The following TBC1D12 variants were observed in gnomAD, a reference collection of about 807,000 sequenced individuals.
The protein encoded by TBC1D12 is TBC1 domain family, member 12.
A neutral mutation model predicts 86.7 loss-of-function variants in TBC1D12; 56 were observed. That is an observed-to-expected ratio of 0.65 (90% CI 0.52 to 0.81). The LOEUF (loss-of-function observed/expected upper bound fraction) is 0.81. TBC1D12 is among the 30% of genes least tolerant of loss of function. TBC1D12 has a pLI of 0.00. For synonymous variants in TBC1D12, 421 were observed against 411.7 expected (o/e 1.02, Z -0.27); for missense variants, 1,023 against 1,038.8 (o/e 0.98, Z 0.21).
Position 94,536,108 on chromosome 10 carries a change from C to A in TBC1D12, c.*3012C>A, listed in dbSNP as rs1042005256. On this transcript the variant is annotated 3_prime_UTR_variant, in exon 13 of 13. Coordinates refer to ENST00000225235, the MANE Select transcript of TBC1D12 (RefSeq NM_015188.2). ...CAGCTAAAATATTGTACTGTATCTT[C>A]TCTTGAGCCCAGTATGTAGGAAATA... Among the ~76,000 whole-genome samples, 1 of 151,988 alleles carries A rather than the reference C, an allele frequency of 6.6e-6. No individual in the cohort carries two copies. The highest frequency in any genetic ancestry group is 2.4e-5 in the African/African-American group (1 of 41,394).
intron 3 of TBC1D12, among the ~76,000 whole-genome samples, chr10:94,485,620 A>C (rs1484698582): frequency 2.0e-5 from 3 of 148,742 alleles, no homozygotes; most frequent in Non-Finnish European, 4.4e-5. Flanking sequence ...CAATGAGTTC[A>C]TAAGAATTCC....
Position 94,495,213 on chromosome 10 carries a change from G to A in TBC1D12, c.1294+1766G>A, listed in dbSNP as rs528135825. On this transcript the variant is annotated intron_variant, in intron 4 of 12. Coordinates refer to ENST00000225235, the MANE Select transcript of TBC1D12 (RefSeq NM_015188.2). ...TAATTTTTGTATTTTTAATGGAGAC[G>A]GGGTTTTGCCATGTTGGCCAGGCTG... is the stretch of plus-strand genomic sequence containing the variant. Among the ~76,000 whole-genome samples, 3 of 151,904 alleles carry A rather than the reference G, an allele frequency of 2.0e-5. No homozygotes were observed. The East Asian group carries it at 5.9e-4, about 30-fold the overall frequency.
chr10:94,518,954 A>C (rs1842072130), intron 9 of TBC1D12, among the ~76,000 whole-genome samples: 1 of 152,170 alleles, frequency 6.6e-6, no homozygotes, highest in Non-Finnish European at 1.5e-5. Flanking sequence ...AGGCACCTCT[A>C]TTCCCAGCTG....
chr10:94,496,629 A>C (rs2056325055), intron 4 of TBC1D12, among the ~76,000 whole-genome samples: 2 of 152,172 alleles, frequency 1.3e-5, no homozygotes, highest in Non-Finnish European at 2.9e-5. Flanking sequence ...TATGTGATAA[A>C]GTAATCTACT....
In TBC1D12 at chr10:94,536,135, G is replaced by A. The variant is rs1041252197; in HGVS notation, c.*3039G>A. Among the ~76,000 whole-genome samples the A allele has an allele frequency of 6.6e-6, 1 of 151,946 alleles. No individual in the cohort carries two copies. Among genetic ancestry groups the A allele is most frequent in the Non-Finnish European group, 1.5e-5 (1 of 67,962 alleles). ...CTTGAGCCCAGTATGTAGGAAATAT[G>A]TGATAATTCACATGGTCAGTATATG... is the stretch of plus-strand genomic sequence containing the variant. On this transcript the variant is annotated 3_prime_UTR_variant, in exon 13 of 13. Transcript: ENST00000225235.
intron 3 of TBC1D12, among the ~76,000 whole-genome samples, chr10:94,482,288 G>C (rs898092277): frequency 3.3e-5 from 5 of 152,144 alleles, no homozygotes; most frequent in African/African-American, 1.2e-4. Flanking sequence ...TTAGTTTGTG[G>C]AAGATAATAG....
In TBC1D12 at chr10:94,485,405, A is replaced by C. The variant is rs2056145447; in HGVS notation, c.1212-7960A>C. On this transcript the variant is annotated intron_variant, in intron 3 of 12. Transcript: ENST00000225235. The stretch of plus-strand genomic sequence containing the variant: ...ACACTGATTGATTTGCATACATTGA[A>C]ATATACTTACATTCCAGGGATAAGG... Among the ~76,000 whole-genome samples, 7 of 152,262 alleles carry C rather than the reference A, an allele frequency of 4.6e-5. 1 individual carries two copies. The South Asian group carries it at 1.5e-3, about 32-fold the overall frequency.
chr10:94,447,563 TAATC>T (rs2055487642), intron 2 of TBC1D12: 30 of 961,380 alleles, frequency 3.1e-5, no homozygotes, highest in Non-Finnish European at 3.7e-5. Context: ...GTTAACTTGA[TAATC>T]AATTCCAAAA....
At chr10:94,474,509 A>C (rs374889262) in intron 2 of TBC1D12, among the ~76,000 whole-genome samples, 159 bp from the exon 3 acceptor site, 1 of 152,066 alleles carries the variant, frequency 6.6e-6, no homozygotes, top group Non-Finnish European at 1.5e-5. Context: ...ACCTCCAAAA[A>C]AAAAACTTTT....
intron 9 of TBC1D12, among the ~76,000 whole-genome samples, chr10:94,515,395 T>C (rs1311872166): frequency 6.6e-6 from 1 of 151,908 alleles, no homozygotes; most frequent in African/African-American, 2.4e-5. Flanking sequence ...TTGCCCAGGC[T>C]GGAGTGCAAT....
In TBC1D12 at chr10:94,455,540, T is replaced by C. The variant is rs184935570; in HGVS notation, c.1095+13521T>C. 3.6e-3 allele frequency among the ~76,000 whole-genome samples: 553 copies of C among 152,338 alleles called. 3 individuals are homozygous for C. The highest frequency in any genetic ancestry group is 0.013 in the African/African-American group (533 of 41,566). On this transcript the variant is annotated intron_variant, in intron 2 of 12. Coordinates refer to ENST00000225235, the MANE Select transcript of TBC1D12 (RefSeq NM_015188.2). ...GTCTGTGCTTTCTGTTTTGGAAGAT[T>C]ATTAATTATTGATTCAGTTTCTTCT... is the stretch of plus-strand genomic sequence containing the variant.
chr10:94,452,251 G>A lies in TBC1D12; in HGVS notation c.1095+10232G>A, dbSNP rs144678731. On this transcript the variant is annotated intron_variant, in intron 2 of 12. Transcript: ENST00000225235. ...TTCACTGTCAGCATCCTGCACCACA[G>A]TGGATCATTTTTTACAACCAATGAA... Among the ~76,000 whole-genome samples, 568 of 152,152 alleles carry A rather than the reference G, an allele frequency of 3.7e-3. 1 individual carries two copies. Among genetic ancestry groups the A allele is most frequent in the Middle Eastern group, 6.8e-3 (2 of 294 alleles).
chr10:94,425,816 A>G (rs2055137741), intron 1 of TBC1D12, among the ~76,000 whole-genome samples: 1 of 152,186 alleles, frequency 6.6e-6, no homozygotes, highest in South Asian at 2.1e-4. Context: ...CAGTATATCT[A>G]GCCATTTATT....
intron 2 of TBC1D12, among the ~76,000 whole-genome samples, chr10:94,470,337 AT>A (rs981379197): frequency 6.6e-6 from 1 of 152,136 alleles, no homozygotes; most frequent in African/African-American, 2.4e-5. Flanking sequence ...CTTATGATGA[AT>A]TTTGAAAGTA....
At chr10:94,424,863 G>T (rs1296682892) in intron 1 of TBC1D12, among the ~76,000 whole-genome samples, 3 of 152,172 alleles carry the variant, frequency 2.0e-5, no homozygotes, top group Non-Finnish European at 4.4e-5. Context: ...AGTTCTAGAA[G>T]GTCACTGTGG....
intron 11 of TBC1D12, among the ~76,000 whole-genome samples, chr10:94,523,192 CAAA>C (rs33935088): frequency 4.5e-5 from 2 of 44,074 alleles, no homozygotes; most frequent in South Asian, 1.5e-3. Flanking sequence ...AACTCTATCT[CAAA>C]AAAAAAAAAA....
At chr10:94,424,891 C>T (rs764950110) in intron 1 of TBC1D12, among the ~76,000 whole-genome samples, 7 of 152,118 alleles carry the variant, frequency 4.6e-5, no homozygotes, top group East Asian at 3.9e-4. Flanking sequence ...GCACAATTCA[C>T]GCAGGGTTTG....
intron 1 of TBC1D12, among the ~76,000 whole-genome samples, chr10:94,430,049 TC>T (rs914593808): frequency 6.6e-6 from 1 of 151,778 alleles, no homozygotes; most frequent in African/African-American, 2.4e-5. Context: ...AAGTATTCTA[TC>T]CCCCCACCCC....
chr10:94,510,072 A>G lies in TBC1D12; in HGVS notation c.1601-19A>G, dbSNP rs775632314. ...AGAGCCAAGTGATCATTTAAATTGT[A>G]TCTGCTTGGTAAATGCAGGTGTATC... On this transcript the variant is annotated intron_variant, in intron 7 of 12. Transcript: ENST00000225235. 2 of 1,587,138 alleles carry G rather than the reference A, an allele frequency of 1.3e-6. No homozygotes were observed. Among genetic ancestry groups the G allele is most frequent in the Non-Finnish European group, 8.6e-7 (1 of 1,162,008 alleles).
Sources: gnomAD v4.1 joint callset for allele counts (sites outside exome capture counted in the v4.1 genomes callset) on GRCh38, gnomAD v4.1.1 for gene constraint, MANE v1.5 for transcripts, NCBI Gene and HGNC (gene_info 2026-07-23, HGNC 2026-07-21) for gene names.